The following FAM135B variants were observed in gnomAD, a reference collection of about 807,000 sequenced individuals.
FAM135B encodes the protein family with sequence similarity 135 member B, also known as protein FAM135B.
In FAM135B, 43 loss-of-function variants were observed where a neutral mutation model predicts 127.7. That is an observed-to-expected ratio of 0.34 (90% CI 0.26 to 0.43). FAM135B has a LOEUF of 0.43. Ranked by LOEUF, FAM135B falls within the 20% of genes least tolerant of loss-of-function variation. The pLI is 1.00. For synonymous variants in FAM135B, 670 were observed against 665.1 expected (o/e 1.01, Z -0.11); for missense variants, 1,558 against 1,725.6 (o/e 0.90, Z 1.72).
At chr8:138,168,495 T>C (rs1422586455) in intron 11 of FAM135B, among the ~76,000 whole-genome samples, 1 of 152,190 alleles carries the variant, frequency 6.6e-6, no homozygotes, top group East Asian at 1.9e-4. Context: ...TTAAAACCTA[T>C]CTAAAATACC....
chr8:138,305,281 A>G (rs935810345), intron 3 of FAM135B, among the ~76,000 whole-genome samples: 4 of 152,208 alleles, frequency 2.6e-5, no homozygotes, highest in African/African-American at 9.7e-5. Context: ...TTTGATGAGC[A>G]ATGACTAGTA....
chr8:138,444,165 C>A (rs1044375600), intron 1 of FAM135B, among the ~76,000 whole-genome samples: 37 of 151,962 alleles, frequency 2.4e-4, no homozygotes, highest in African/African-American at 8.5e-4. Flanking sequence ...TCCTTAGAGA[C>A]CTACAAAGAG....
intron 6 of FAM135B, among the ~76,000 whole-genome samples, chr8:138,247,809 TA>T (rs1377683913): frequency 1.3e-5 from 2 of 152,336 alleles, no homozygotes; most frequent in Non-Finnish European, 2.9e-5. Flanking sequence ...TTTTATACAA[TA>T]AACAAATTCT....
rs1197442183 is a variant in FAM135B, at chr8:138,131,956, T to C, written c.*637A>G. 3.3e-5 allele frequency: 5 copies of C among 152,916 alleles called. No homozygotes were observed. Among genetic ancestry groups the C allele is most frequent in the African/African-American group, 1.2e-4 (5 of 41,468 alleles). 9.5% of individuals were successfully genotyped at this position (152,916 alleles called of 1,614,324 possible). A position where few individuals can be genotyped will look rare whatever the true frequency, so the allele number is the denominator to read the frequency against. On this transcript the variant is annotated 3_prime_UTR_variant, in exon 20 of 20. Coordinates refer to ENST00000395297, the MANE Select transcript of FAM135B (RefSeq NM_015912.4). Reference sequence around the variant, plus strand: ...TTTGTAACAAACTTGTATTTACCAATAGTGTCACCTTTATCCCTCTTTACC... The same window carrying C: ...TTTGTAACAAACTTGTATTTACCAACAGTGTCACCTTTATCCCTCTTTACC...
intron 1 of FAM135B, among the ~76,000 whole-genome samples, chr8:138,469,628 G>C (rs1837569236): frequency 6.6e-6 from 1 of 152,176 alleles, no homozygotes; most frequent in Admixed American, 6.5e-5. Flanking sequence ...AAATATTAGA[G>C]ATTCCTCAAT....
At chr8:138,330,752 T>C (rs1454713804) in intron 2 of FAM135B, among the ~76,000 whole-genome samples, 1 of 152,164 alleles carries the variant, frequency 6.6e-6, no homozygotes, top group Non-Finnish European at 1.5e-5. Flanking sequence ...CCTCTGCACT[T>C]TTTCTGAGCA....
At chr8:138,283,905 GAGGGAAC>G (rs1161993701) in intron 3 of FAM135B, among the ~76,000 whole-genome samples, 1 of 151,874 alleles carries the variant, frequency 6.6e-6, no homozygotes, top group Non-Finnish European at 1.5e-5. Context: ...ATTCCAAGCA[GAGGGAAC>G]AGCATGGGCG....
At chr8:138,281,706 C>A (rs1487580943) in intron 3 of FAM135B, among the ~76,000 whole-genome samples, 1 of 152,086 alleles carries the variant, frequency 6.6e-6, no homozygotes, top group Non-Finnish European at 1.5e-5. Context: ...AATTGGCATG[C>A]CTTTCCCCAC....
intron 1 of FAM135B, among the ~76,000 whole-genome samples, chr8:138,486,265 C>T (rs2131688426): frequency 6.6e-6 from 1 of 152,170 alleles, no homozygotes. Flanking sequence ...TGCAGTATTT[C>T]ATGACTCATT....
chr8:138,460,910 T>A (rs927917610), intron 1 of FAM135B, among the ~76,000 whole-genome samples: 1 of 152,126 alleles, frequency 6.6e-6, no homozygotes, highest in Non-Finnish European at 1.5e-5. Flanking sequence ...CTGATTCAGA[T>A]CTGGACTGAG....
intron 3 of FAM135B, among the ~76,000 whole-genome samples, chr8:138,296,715 G>A (rs919335981): frequency 6.6e-6 from 1 of 152,130 alleles, no homozygotes; most frequent in Non-Finnish European, 1.5e-5. Context: ...TACGTATTTT[G>A]TGTGATATAT....
chr8:138,297,323 G>A (rs1425361041), intron 3 of FAM135B, among the ~76,000 whole-genome samples: 1 of 152,120 alleles, frequency 6.6e-6, no homozygotes, highest in Non-Finnish European at 1.5e-5. Flanking sequence ...ATGACCCCAC[G>A]AGACAGGGTC....
chr8:138,236,427 C>CAT (rs1289828379), intron 7 of FAM135B, among the ~76,000 whole-genome samples: 1 of 151,358 alleles, frequency 6.6e-6, no homozygotes, highest in Non-Finnish European at 1.5e-5. Context: ...CACACACACA[C>CAT]ATCCCCACAT....
chr8:138,226,975 GC>G (rs1479792610), intron 7 of FAM135B, among the ~76,000 whole-genome samples: 1 of 152,146 alleles, frequency 6.6e-6, no homozygotes, highest in Non-Finnish European at 1.5e-5. Flanking sequence ...GGGATTGCAG[GC>G]GTGAGCCACC....
rs1816191351 is a variant in FAM135B at position 138,131,210 on chromosome 8, T to C, written c.*1383A>G. The C allele has an allele frequency of 6.6e-6, 1 of 152,334 alleles. No homozygotes were observed. Among genetic ancestry groups the C allele is most frequent in the South Asian group, 2.1e-4 (1 of 4,830 alleles). The allele number at this position is 152,334 out of a possible 1,614,324, so 9.4% of individuals were successfully genotyped here. On this transcript the variant is annotated 3_prime_UTR_variant, in exon 20 of 20. Transcript: ENST00000395297. Reference sequence around the variant, plus strand: ...CCTGGTCCTAGATGCGTTTCCACACTTCAGAAGGGATTTTTGCAGAAGCAG... The same window carrying C: ...CCTGGTCCTAGATGCGTTTCCACACCTCAGAAGGGATTTTTGCAGAAGCAG...
intron 2 of FAM135B, among the ~76,000 whole-genome samples, chr8:138,343,703 C>T (rs1355874173): frequency 6.6e-6 from 1 of 152,204 alleles, no homozygotes; most frequent in Non-Finnish European, 1.5e-5. Flanking sequence ...ATTCCATCAC[C>T]TCCCAAACGT....
intron 1 of FAM135B, among the ~76,000 whole-genome samples, chr8:138,429,929 G>A (rs1404212008): frequency 6.6e-6 from 1 of 152,136 alleles, no homozygotes; most frequent in African/African-American, 2.4e-5. Context: ...CAGTCATACA[G>A]CAAGATAGGG....
chr8:138,309,790 A>T (rs1826528933), intron 3 of FAM135B, among the ~76,000 whole-genome samples: 1 of 150,776 alleles, frequency 6.6e-6, no homozygotes, highest in Non-Finnish European at 1.5e-5. Flanking sequence ...AATTAAACAG[A>T]TTTTGCACAG....
chr8:138,318,464 G>T (rs1177181416), intron 2 of FAM135B, among the ~76,000 whole-genome samples: 3 of 152,270 alleles, frequency 2.0e-5, no homozygotes, highest in East Asian at 1.9e-4. Flanking sequence ...ACCTGTACTA[G>T]CAACTTCCAT....
Sources: gnomAD v4.1 joint callset for allele counts (sites outside exome capture counted in the v4.1 genomes callset) on GRCh38, gnomAD v4.1.1 for gene constraint, MANE v1.5 for transcripts, NCBI Gene and HGNC (gene_info 2026-07-23, HGNC 2026-07-21) for gene names.